TMEM51: variants seen among roughly 807,000 people sequenced by gnomAD.
TMEM51 encodes chromosome 1 open reading frame 72.
A neutral mutation model predicts 13.6 loss-of-function variants in TMEM51; 8 were observed. That is an observed-to-expected ratio of 0.59 (90% confidence interval 0.35 to 1.07). TMEM51 has a LOEUF of 1.07. TMEM51 is among the 50% of genes least tolerant of loss of function. TMEM51 has a pLI of 0.02. For missense variants in TMEM51, 279 were observed against 330.7 expected, an observed-to-expected ratio of 0.84 and a Z score of 1.21; for synonymous variants, 147 against 144.4, an observed-to-expected ratio of 1.02 and a Z score of -0.13.
chr1:15,214,793 C>G (rs948939061), intron 2 of TMEM51, 102 bp from the exon 3 acceptor site: 7 of 376,464 alleles, frequency 1.9e-5, no homozygotes, highest in Non-Finnish European at 3.4e-5. Context: ...CCGGCGTGCT[C>G]GGTGCTGCTG....
chr1:15,155,439 G>A (rs1010295904), intron 1 of TMEM51, among the ~76,000 whole-genome samples: 1 of 152,246 alleles, frequency 6.6e-6, no homozygotes, highest in Non-Finnish European at 1.5e-5. Context: ...ATCTCCAAGG[G>A]CGAGGTGGGG....
intron 1 of TMEM51, among the ~76,000 whole-genome samples, chr1:15,202,183 C>T (rs879910281): frequency 2.6e-5 from 4 of 152,120 alleles, no homozygotes; most frequent in Non-Finnish European, 5.9e-5. Context: ...AGAGGAGCAC[C>T]GCCATGCCAA....
At chr1:15,191,953 T>C (rs368433574) in intron 1 of TMEM51, 13 of 534,232 alleles carry the variant, frequency 2.4e-5, no homozygotes, top group African/African-American at 9.6e-5. Flanking sequence ...TTTGATTATG[T>C]GTCGTCTTAG....
intron 3 of TMEM51, among the ~76,000 whole-genome samples, chr1:15,216,944 A>G (rs1644441267): frequency 6.6e-6 from 1 of 152,208 alleles, no homozygotes; most frequent in South Asian, 2.1e-4. Flanking sequence ...TCCAGGTAGA[A>G]GGATTCGGGA....
intron 3 of TMEM51, among the ~76,000 whole-genome samples, chr1:15,218,667 G>A (rs1452565941): frequency 3.3e-5 from 5 of 152,112 alleles, no homozygotes; most frequent in Non-Finnish European, 4.4e-5. Flanking sequence ...GCCAGCAAAC[G>A]GGAACGAGGG....
At chr1:15,208,536 C>T (rs1410994199) in intron 1 of TMEM51, among the ~76,000 whole-genome samples, 2 of 151,932 alleles carry the variant, frequency 1.3e-5, no homozygotes, top group Admixed American at 6.6e-5. Context: ...GAGGCTGAGG[C>T]GGGAGGATCA....
At chr1:15,164,896 G>A (rs1320803478) in intron 1 of TMEM51, among the ~76,000 whole-genome samples, 8 of 147,096 alleles carry the variant, frequency 5.4e-5, no homozygotes, top group African/African-American at 1.8e-4. Context: ...TCTGCCTCCC[G>A]AGTTCAAGCA....
At chr1:15,171,371 CG>C in intron 1 of TMEM51, 1 of 1,246,782 alleles carries the variant, frequency 8.0e-7, no homozygotes, top group Non-Finnish European at 1.0e-6. Context: ...ATAGGGGGGG[CG>C]GCAGAAAGGA....
At position 15,219,756 on chromosome 1, in the gene TMEM51, G is replaced by C. The variant is rs1457723327; in HGVS notation, c.*13G>C. 1 of 1,610,324 alleles carries C rather than the reference G, an allele frequency of 6.2e-7. No homozygotes were observed. The highest frequency in any genetic ancestry group is 8.5e-7 in the Non-Finnish European group (1 of 1,178,410). ...GCCGCCCGACTGAATGGCCCCACTTGAGCCACGCTCCCTCCTGTCTCTCAC... is the reference window on the plus strand; with the variant it reads ...GCCGCCCGACTGAATGGCCCCACTTCAGCCACGCTCCCTCCTGTCTCTCAC... On this transcript the variant is annotated 3_prime_UTR_variant, in exon 4 of 4. Coordinates refer to ENST00000376008, the MANE Select transcript of TMEM51 (RefSeq NM_001136218.2).
chr1:15,214,006 C>CT (rs367871717), intron 2 of TMEM51, among the ~76,000 whole-genome samples: 31,034 of 124,024 alleles, frequency 0.25, 4,268 homozygotes, highest in East Asian at 0.33. Context: ...AGCACCCAGC[C>CT]TTTTTTTTTT....
At chr1:15,208,305 G>A (rs1644283982) in intron 1 of TMEM51, among the ~76,000 whole-genome samples, 1 of 152,046 alleles carries the variant, frequency 6.6e-6, no homozygotes, top group Non-Finnish European at 1.5e-5. Context: ...CATTTAAGCT[G>A]AGAGACAGAG....
At chr1:15,205,227 TC>T (rs1644228098) in intron 1 of TMEM51, among the ~76,000 whole-genome samples, 1 of 152,188 alleles carries the variant, frequency 6.6e-6, no homozygotes, top group Non-Finnish European at 1.5e-5. Context: ...GAACTTGTCT[TC>T]CTTAATTTCT....
At chr1:15,211,676 G>C (rs891558602) in intron 2 of TMEM51, among the ~76,000 whole-genome samples, 1 of 152,060 alleles carries the variant, frequency 6.6e-6, no homozygotes, top group Non-Finnish European at 1.5e-5. Context: ...TGGGTCCCAA[G>C]CTCACTCTTA....
At chr1:15,170,970 C>T (rs1643248194) in intron 1 of TMEM51, among the ~76,000 whole-genome samples, 1 of 152,024 alleles carries the variant, frequency 6.6e-6, no homozygotes, top group South Asian at 2.1e-4. Flanking sequence ...CCTCATGATC[C>T]GCCCGCCTCG....
rs374394400 is a variant in TMEM51 at position 15,169,797 on chromosome 1, C to T, written c.-267+15843C>T. Among the ~76,000 whole-genome samples, 23 of 152,228 alleles carry T rather than the reference C, an allele frequency of 1.5e-4. No homozygotes were observed. The South Asian group carries it at 3.7e-3, about 25-fold the overall frequency. On this transcript the variant is annotated intron_variant, in intron 1 of 3. Transcript: ENST00000376008. ...TGTGCCAATGTAAAAAGGCAGATTA[C>T]GAAGCTGTCCATTTTTTATTTCAAA... is the stretch of plus-strand genomic sequence containing the variant.
chr1:15,187,242 G>C (rs986793845), intron 1 of TMEM51, among the ~76,000 whole-genome samples: 6 of 150,044 alleles, frequency 4.0e-5, no homozygotes, highest in African/African-American at 7.4e-5. Context: ...TGACTCCTTG[G>C]GGACTGGATC....
In TMEM51 at chr1:15,215,669, A is replaced by T. The variant is rs911354571; in HGVS notation, c.344+238A>T. On this transcript the variant is annotated intron_variant, in intron 3 of 3. Transcript: ENST00000376008. The stretch of plus-strand genomic sequence containing the variant: ...GATTACAGGTAAACCAAGATTTTTT[A>T]AAAATTTTATTACAATAGATTTTTA... 5.9e-5 allele frequency among the ~76,000 whole-genome samples: 9 copies of T among 152,252 alleles called. No individual in the cohort carries two copies. In the South Asian group the frequency reaches 8.3e-4, roughly 14 times the overall value.
Position 15,219,565 on chromosome 1 carries a change from C to T in TMEM51, c.584C>T (p.Ala195Val). Residue 195 changes from alanine to valine, a missense_variant, in exon 4 of 4, where the codon GCC becomes GTC. Ala to Val is a moderately conservative substitution (Grantham distance 64). Coordinates refer to ENST00000376008, the MANE Select transcript of TMEM51 (RefSeq NM_001136218.2). Reference sequence around the variant, plus strand: ...CCTGACAGGCAGAACTCTAAGTTGGCCAAACGACTGAAACCGCTGAAAGTT... The same window carrying T: ...CCTGACAGGCAGAACTCTAAGTTGGTCAAACGACTGAAACCGCTGAAAGTT... ...NPPDRQNSKL[A>V]KRLKPLKVRR... The T allele has an allele frequency of 1.2e-6, 2 of 1,614,046 alleles. No individual in the cohort carries two copies. The highest frequency in any genetic ancestry group is 1.7e-6 in the Non-Finnish European group (2 of 1,180,020).
intron 1 of TMEM51, among the ~76,000 whole-genome samples, chr1:15,154,360 G>A (rs1372669336): frequency 6.6e-6 from 1 of 152,242 alleles, no homozygotes; most frequent in African/African-American, 2.4e-5. Flanking sequence ...CTTTGCTCGC[G>A]CATCCCTTAC....
Sources: gnomAD v4.1 joint callset for allele counts (sites outside exome capture counted in the v4.1 genomes callset) on GRCh38, gnomAD v4.1.1 for gene constraint, MANE v1.5 for transcripts, NCBI Gene and HGNC (gene_info 2026-07-23, HGNC 2026-07-21) for gene names.